The following TTLL9 variants were observed in gnomAD, a reference collection of about 807,000 sequenced individuals.
The protein encoded by TTLL9 is tubulin tyrosine ligase like 9.
Under a neutral mutation model 65.6 loss-of-function variants are expected in TTLL9, and 47 were observed. The ratio of observed to expected loss-of-function variants is 0.72; its 90% confidence interval spans 0.57 to 0.91. The LOEUF (loss-of-function observed/expected upper bound fraction) is 0.91, where lower values mean the gene tolerates loss of function less well. TTLL9 is among the 40% of genes least tolerant of loss of function. TTLL9 has a pLI of 0.00. For missense variants in TTLL9, 537 were observed against 568.8 expected, an observed-to-expected ratio of 0.94 and a Z score of 0.57; for synonymous variants, 179 against 204.8, an observed-to-expected ratio of 0.87 and a Z score of 1.07.
chr20:31,878,042 A>G (rs1600513792), intron 2 of TTLL9, among the ~76,000 whole-genome samples: 1 of 152,260 alleles, frequency 6.6e-6, no homozygotes, highest in Non-Finnish European at 1.5e-5. Context: ...GACACAGAGT[A>G]GAAGCATAAG....
intron 7 of TTLL9, among the ~76,000 whole-genome samples, chr20:31,921,740 G>A (rs923630028): frequency 1.3e-5 from 2 of 151,864 alleles, no homozygotes; most frequent in African/African-American, 2.4e-5. Context: ...ACCAAATACC[G>A]CATGTTCTCA....
At chr20:31,873,825 A>AAGG (rs1568723343) in intron 2 of TTLL9, among the ~76,000 whole-genome samples, 38 of 30,318 alleles carry the variant, frequency 1.3e-3, no homozygotes, top group Middle Eastern at 0.017. Flanking sequence ...AGGAAGGAAG[A>AAGG]AAGAAAGAAA....
At chr20:31,886,748 G>A (rs1480679303) in intron 2 of TTLL9, among the ~76,000 whole-genome samples, 2 of 152,210 alleles carry the variant, frequency 1.3e-5, no homozygotes, top group Non-Finnish European at 2.9e-5. Context: ...GAACCTGGGA[G>A]GTGGAAGTTG....
chr20:31,915,774 A>G (rs537092964), intron 6 of TTLL9, among the ~76,000 whole-genome samples: 28 of 151,732 alleles, frequency 1.8e-4, no homozygotes, highest in Non-Finnish European at 3.8e-4. Flanking sequence ...TCAAGCTTTA[A>G]TGAGGTAACG....
intron 6 of TTLL9, among the ~76,000 whole-genome samples, chr20:31,911,186 AAAAAAG>A (rs1416693063): frequency 6.6e-6 from 1 of 151,994 alleles, no homozygotes. Context: ...AAAAAAAAAG[AAAAAAG>A]AAAAAGAAAC....
intron 3 of TTLL9, among the ~76,000 whole-genome samples, chr20:31,887,985 A>G (rs1298139875): frequency 1.3e-5 from 2 of 151,274 alleles, no homozygotes; most frequent in Admixed American, 1.3e-4. Context: ...CTCGGGTTCA[A>G]GTGATTCTCC....
At chr20:31,890,741 A>T (rs1271522273) in intron 3 of TTLL9, among the ~76,000 whole-genome samples, 1 of 152,216 alleles carries the variant, frequency 6.6e-6, no homozygotes, top group Non-Finnish European at 1.5e-5. Flanking sequence ...CCTAAGTGAG[A>T]GATGAGAGAC....
intron 2 of TTLL9, chr20:31,879,970 A>G (rs1169367980): frequency 4.8e-6 from 5 of 1,042,484 alleles, no homozygotes; most frequent in Non-Finnish European, 6.3e-6. Flanking sequence ...GGGATTCAAA[A>G]TCGGTTGGGG....
At chr20:31,887,993 T>C (rs2063223243) in intron 3 of TTLL9, among the ~76,000 whole-genome samples, 1 of 151,968 alleles carries the variant, frequency 6.6e-6, no homozygotes, top group South Asian at 2.1e-4. Context: ...CAAGTGATTC[T>C]CCTGCCTCAG....
intron 12 of TTLL9, 117 bp from the exon 13 acceptor site, chr20:31,937,279 G>C: frequency 1.5e-6 from 1 of 663,052 alleles, no homozygotes; most frequent in Non-Finnish European, 2.7e-6. Context: ...AAGGTAGAGA[G>C]AGTAGCCTGG....
chr20:31,934,258 G>A, intron 11 of TTLL9: 1 of 503,538 alleles, frequency 2.0e-6, no homozygotes, highest in Non-Finnish European at 3.9e-6. Context: ...TCAAGGGCCA[G>A]ATCAAGGGGA....
chr20:31,926,303 CTCTT>C (rs1168254815), intron 10 of TTLL9, among the ~76,000 whole-genome samples: 1 of 152,214 alleles, frequency 6.6e-6, no homozygotes, highest in Non-Finnish European at 1.5e-5. Flanking sequence ...TTTTATGTGC[CTCTT>C]TCTTCAGTGC....
intron 5 of TTLL9, among the ~76,000 whole-genome samples, chr20:31,909,009 G>A (rs117032852): frequency 1.8e-4 from 27 of 152,160 alleles, no homozygotes; most frequent in African/African-American, 5.3e-4. Context: ...CAGGGTGGAG[G>A]CAAGTTGAGA....
intron 7 of TTLL9, among the ~76,000 whole-genome samples, chr20:31,920,142 G>A (rs2063794581): frequency 6.6e-6 from 1 of 152,154 alleles, no homozygotes; most frequent in African/African-American, 2.4e-5. Context: ...GTGCCCTTGA[G>A]CAAGTTACTT....
chr20:31,920,906 G>T (rs1361798635), intron 7 of TTLL9, among the ~76,000 whole-genome samples: 1 of 152,232 alleles, frequency 6.6e-6, no homozygotes. Context: ...GAGTGAAGGG[G>T]ACAATAGGTG....
Position 31,887,215 on chromosome 20 carries a change from A to G in TTLL9, c.89A>G (p.His30Arg), listed in dbSNP as rs749750761. 1.5e-5 allele frequency: 25 copies of G among 1,614,118 alleles called. No individual in the cohort carries two copies. In the South Asian group the frequency reaches 2.5e-4, roughly 16 times the overall value. ...KKLQNQNYKG[H>R]GLSKGKEREQ... ...TTGCAGAACCAAAATTACAAGGGCC[A>G]TGGATTGTCAAAGGGAAAAGAGCGG... The change falls in exon 3 of 15, where the codon CAT becomes CGT. Residue 30 changes from histidine (H) to arginine (R), a missense_variant. By Grantham distance (29) the His-to-Arg change is conservative. Coordinates refer to ENST00000535842, the MANE Select transcript of TTLL9 (RefSeq NM_001008409.5).
intron 3 of TTLL9, among the ~76,000 whole-genome samples, chr20:31,891,765 A>C (rs182505270): frequency 8.1e-4 from 124 of 152,350 alleles, no homozygotes; most frequent in African/African-American, 2.7e-3. Flanking sequence ...CATACATCTA[A>C]CAATGTGTAC....
At chr20:31,900,006 C>G (rs1033938543) in intron 4 of TTLL9, among the ~76,000 whole-genome samples, 1 of 152,168 alleles carries the variant, frequency 6.6e-6, no homozygotes, top group African/African-American at 2.4e-5. Flanking sequence ...GTGATCCGCC[C>G]TCCTCGGCCT....
intron 5 of TTLL9, 49 bp from the exon 6 acceptor site, chr20:31,909,688 C>T (rs373507888): frequency 1.3e-4 from 199 of 1,570,058 alleles, no homozygotes; most frequent in Middle Eastern, 2.2e-4. Context: ...GGGAGGGGAG[C>T]GGGGCTGTGA....
Sources: allele counts gnomAD v4.1 joint callset (sites outside exome capture counted in the v4.1 genomes callset), GRCh38; gene constraint gnomAD v4.1.1; transcripts MANE v1.5; gene names NCBI Gene and HGNC (gene_info 2026-07-23, HGNC 2026-07-21).